Variants in FOXP2 observed in about 807,000 individuals in gnomAD.
The protein encoded by FOXP2 is forkhead box P2.
A neutral mutation model predicts 115.8 loss-of-function variants in FOXP2; 12 were observed. The observed-to-expected ratio is 0.10, with a 90% CI of 0.07 to 0.17. FOXP2 has a LOEUF of 0.17. Ranked by LOEUF, FOXP2 falls within the 10% of genes least tolerant of loss-of-function variation. The pLI, the probability that FOXP2 is intolerant of heterozygous loss-of-function variation, is 1.00. For missense variants in FOXP2, 629 were observed against 843.5 expected (o/e 0.75, Z 3.15); for synonymous variants, 328 against 297.7 (o/e 1.10, Z -1.05).
At chr7:114,300,089 G>A (rs1796843106) in intron 2 of FOXP2, among the ~76,000 whole-genome samples, 1 of 151,698 alleles carries the variant, frequency 6.6e-6, no homozygotes, top group African/African-American at 2.4e-5. Flanking sequence ...CTTTTGGTGG[G>A]ATTTTTGATA....
intron 3 of FOXP2, among the ~76,000 whole-genome samples, chr7:114,591,819 G>GT (rs1802450927): frequency 6.6e-6 from 1 of 152,000 alleles, no homozygotes; most frequent in African/African-American, 2.4e-5. Context: ...AAGATTCTGT[G>GT]TAGCCTTGTC....
At chr7:114,656,574 A>G in intron 10 of FOXP2, 2 of 419,202 alleles carry the variant, frequency 4.8e-6, no homozygotes, top group Non-Finnish European at 9.5e-6. Context: ...ATTTAGGAGC[A>G]TTATCTCAGC....
chr7:114,465,661 GA>G (rs1348869113), intron 2 of FOXP2, among the ~76,000 whole-genome samples: 1 of 152,150 alleles, frequency 6.6e-6, no homozygotes, highest in African/African-American at 2.4e-5. Context: ...GAGGTTTGTT[GA>G]GCAATTTCAG....
rs1797831799 is a variant in FOXP2 at position 114,506,669 on chromosome 7, C to A, written c.169-27948C>A. Among the ~76,000 whole-genome samples the A allele has an allele frequency of 2.0e-5, 3 of 151,524 alleles. No homozygotes were observed. The South Asian group carries it at 6.2e-4, about 31-fold the overall frequency. Reference sequence around the variant, plus strand: ...TTTCTTGAAGATGTTTAAATGTCAGCATCAAAGGTTATACCAAATATTTCA... The same window carrying A: ...TTTCTTGAAGATGTTTAAATGTCAGAATCAAAGGTTATACCAAATATTTCA... On this transcript the variant is annotated intron_variant, in intron 2 of 16. Coordinates refer to ENST00000350908, the MANE Select transcript of FOXP2 (RefSeq NM_014491.4).
At chr7:114,285,850 G>A (rs1447765570) in intron 1 of FOXP2, among the ~76,000 whole-genome samples, 1 of 151,872 alleles carries the variant, frequency 6.6e-6, no homozygotes, top group African/African-American at 2.4e-5. Flanking sequence ...ATGTTAACCA[G>A]TATTAATTCC....
intron 2 of FOXP2, among the ~76,000 whole-genome samples, chr7:114,298,443 A>C (rs1344220696): frequency 6.6e-6 from 1 of 152,208 alleles, no homozygotes; most frequent in Non-Finnish European, 1.5e-5. Flanking sequence ...AAAAACGATA[A>C]TAGTAATAAC....
At position 114,426,605 on chromosome 7, in the gene FOXP2, A is replaced by G; in HGVS notation, c.94A>G (p.Arg32Gly). The G allele has an allele frequency of 6.2e-7, 1 of 1,611,758 alleles. No individual in the cohort carries two copies. The highest frequency in any genetic ancestry group is 8.5e-7 in the Non-Finnish European group (1 of 1,178,458). The change falls in exon 2 of 17, where the codon AGA becomes GGA. Residue 32 changes from arginine (R) to glycine (G), a missense_variant. Physicochemically the swap from Arg to Gly is moderately radical, Grantham distance 125. Around this residue, in one of 9 missense-constraint regions of FOXP2, gnomAD observed 91 missense variants for 98.3 expected, o/e 0.93. Coordinates refer to ENST00000350908, the MANE Select transcript of FOXP2 (RefSeq NM_014491.4). The part of the protein sequence containing the change: ...TLSSQLDAGS[R>G]DGRSSGDTSS... Reference sequence around the variant, plus strand: ...AAGCAGCCAATTAGATGCTGGCAGCAGAGATGGAAGATCAAGTGGTGACAC... The same window carrying G: ...AAGCAGCCAATTAGATGCTGGCAGCGGAGATGGAAGATCAAGTGGTGACAC...
At chr7:114,421,229 T>C in intron 1 of FOXP2, among the ~76,000 whole-genome samples, 1 of 151,718 alleles carries the variant, frequency 6.6e-6, no homozygotes, top group South Asian at 2.1e-4. Context: ...TAAATATTTA[T>C]GTTTTGTTTC....
chr7:114,262,379 A>G (rs2129171486), intron 1 of FOXP2, among the ~76,000 whole-genome samples: 1 of 152,118 alleles, frequency 6.6e-6, no homozygotes, highest in East Asian at 1.9e-4. Flanking sequence ...AGCTATGATC[A>G]CATCATTGCA....
intron 1 of FOXP2, among the ~76,000 whole-genome samples, 171 bp downstream of exon 1, chr7:114,415,531 G>A (rs1793300672): frequency 6.6e-6 from 1 of 151,536 alleles, no homozygotes; most frequent in Non-Finnish European, 1.5e-5. Context: ...AAAGCCGGGA[G>A]ACCAGACACA....
chr7:114,108,854 A>G (rs1487294075), intron 1 of FOXP2, among the ~76,000 whole-genome samples: 3 of 151,954 alleles, frequency 2.0e-5, no homozygotes, highest in African/African-American at 7.2e-5. Flanking sequence ...TAATTGCTAC[A>G]TTTAATCTGC....
chr7:114,577,727 G>A (rs189938791), intron 3 of FOXP2, among the ~76,000 whole-genome samples: 47 of 151,842 alleles, frequency 3.1e-4, no homozygotes, highest in Non-Finnish European at 6.3e-4. Context: ...TAGTTATAAC[G>A]TTATACTTCA....
chr7:114,596,784 A>G (rs1433667658), intron 3 of FOXP2, among the ~76,000 whole-genome samples: 1 of 152,044 alleles, frequency 6.6e-6, no homozygotes, highest in East Asian at 1.9e-4. Flanking sequence ...TTAGGATGAT[A>G]TTCTTAGTCT....
In FOXP2 at chr7:114,691,711, T is replaced by C; in HGVS notation, c.*1785T>C. 2.2e-6 allele frequency: 1 copy of C among 453,934 alleles called. No homozygotes were observed. The highest frequency in any genetic ancestry group is 4.4e-6 in the Non-Finnish European group (1 of 226,670). The allele number at this position is 453,934 out of a possible 1,614,324, so 28.1% of individuals were successfully genotyped here. On this transcript the variant is annotated 3_prime_UTR_variant, in exon 17 of 17. Coordinates refer to ENST00000350908, the MANE Select transcript of FOXP2 (RefSeq NM_014491.4). ...ATTATGGTTATTGCTTTACAAACAG[T>C]TTTGACAGAAGGTGGCTGCTAGAGC... is the stretch of plus-strand genomic sequence containing the variant.
intron 2 of FOXP2, among the ~76,000 whole-genome samples, chr7:114,382,146 G>A (rs1562896011): frequency 2.0e-5 from 3 of 152,212 alleles, no homozygotes; most frequent in Non-Finnish European, 4.4e-5. Flanking sequence ...AGTATCTAGT[G>A]ACTGGCTGTC....
chr7:114,448,742 G>C (rs556028165), intron 2 of FOXP2, among the ~76,000 whole-genome samples: 1 of 152,078 alleles, frequency 6.6e-6, no homozygotes, highest in Non-Finnish European at 1.5e-5. Flanking sequence ...TATTTAATTA[G>C]TACCACAAAC....
chr7:114,121,490 G>A (rs1349136849), intron 1 of FOXP2, among the ~76,000 whole-genome samples: 1 of 152,118 alleles, frequency 6.6e-6, no homozygotes, highest in Non-Finnish European at 1.5e-5. Flanking sequence ...AAATCTAATT[G>A]AAGATACCTA....
rs368923204 is a variant in FOXP2, at chr7:114,176,298, T to TTCTTTCTTTCTCTCTCTCTCTCTCTCTC, written c.-102+13213_-102+13214insTTCTTTCTCTCTCTCTCTCTCTCTCTCT. ...TTTCTTTCTTTCTTTCTTTCTTTCT[T>TTCTTTCTTTCTCTCTCTCTCTCTCTCTC]TCTCTCTCTCTCTCTCTCTCTCTTT... On this transcript the variant is annotated intron_variant, in intron 1 of 17. Coordinates refer to the FOXP2 transcript ENST00000634411. Among the ~76,000 whole-genome samples the TTCTTTCTTTCTCTCTCTCTCTCTCTCTC allele has an allele frequency of 3.5e-4, 27 of 76,570 alleles. 1 individual carries two copies. The highest frequency in any genetic ancestry group is 1.5e-3 in the African/African-American group (27 of 18,512). The allele number at this position is 76,570 out of a possible 152,430, so 50.2% of individuals were successfully genotyped here.
chr7:114,381,053 G>A (rs191708714), intron 2 of FOXP2, among the ~76,000 whole-genome samples: 19 of 152,314 alleles, frequency 1.2e-4, no homozygotes, highest in Admixed American at 1.2e-3. Flanking sequence ...TTACTAAATG[G>A]GTATTGGCTT....
Sources: gnomAD v4.1 joint callset for allele counts (sites outside exome capture counted in the v4.1 genomes callset) on GRCh38, gnomAD v4.1.1 for gene constraint, gnomAD v4.1.1 regional missense constraint, MANE v1.5 for transcripts, NCBI Gene and HGNC (gene_info 2026-07-23, HGNC 2026-07-21) for gene names.